Variants in ZPBP observed in about 807,000 individuals in gnomAD.
The protein encoded by ZPBP is zona pellucida-binding protein 1.
ZPBP carries 26 observed loss-of-function variants against 44.8 expected under a neutral mutation model. The observed-to-expected ratio is 0.58, with a 90% CI of 0.43 to 0.81. The LOEUF (loss-of-function observed/expected upper bound fraction) is 0.81, where lower values mean the gene tolerates loss of function less well. Ranked by LOEUF, ZPBP falls within the 30% of genes least tolerant of loss-of-function variation. ZPBP has a pLI of 0.00. For missense variants in ZPBP, 409 were observed against 434.0 expected, an observed-to-expected ratio of 0.94 and a Z score of 0.51; for synonymous variants, 174 against 153.2, an observed-to-expected ratio of 1.14 and a Z score of -1.00.
chr7:50,018,299 C>T lies in ZPBP; in HGVS notation c.724G>A (p.Glu242Lys). Reference protein sequence around the residue: ...FAFSVSSLDTEKGPKRCTDHN... With the variant: ...FAFSVSSLDTKKGPKRCTDHN... ...TCTGTACATCGCTTGGGTCCTTTTT[C>T]AGTGTCTAGAGATGAAACTGAGAAA... The change falls in exon 6 of 8, where the codon GAA (glutamate) becomes AAA (lysine). Residue 242 changes from glutamate to lysine, a missense_variant. By Grantham distance (56) the Glu-to-Lys change is moderately conservative. Around this residue, in one of 2 missense-constraint regions of ZPBP, gnomAD observed 367 missense variants for 363.1 expected, o/e 1.01. Coordinates refer to ENST00000046087, the MANE Select transcript of ZPBP (RefSeq NM_007009.3). 2 of 1,609,148 alleles carry T rather than the reference C, an allele frequency of 1.2e-6. No homozygotes were observed. Among genetic ancestry groups the T allele is most frequent in the Non-Finnish European group, 1.7e-6 (2 of 1,177,880 alleles).
At chr7:49,924,866 C>T (rs1433895009) in intron 1 of ZPBP, among the ~76,000 whole-genome samples, 1 of 152,230 alleles carries the variant, frequency 6.6e-6, no homozygotes, top group East Asian at 1.9e-4. Flanking sequence ...TGTTCCACGG[C>T]TTCCTTATTG....
At chr7:50,071,785 T>C (rs1370531957) in intron 3 of ZPBP, among the ~76,000 whole-genome samples, 1 of 152,014 alleles carries the variant, frequency 6.6e-6, no homozygotes, top group Non-Finnish European at 1.5e-5. Context: ...GGGAACCTGC[T>C]GCCTTAAAAA....
chr7:50,082,072 A>G (rs960957602), intron 2 of ZPBP, among the ~76,000 whole-genome samples, 173 bp from the exon 3 acceptor site: 3 of 151,882 alleles, frequency 2.0e-5, no homozygotes, highest in South Asian at 4.1e-4. Flanking sequence ...AACATTAAAA[A>G]TATATTATGT....
chr7:49,973,161 G>A (rs1458911184), intron 7 of ZPBP, among the ~76,000 whole-genome samples: 1 of 151,512 alleles, frequency 6.6e-6, no homozygotes, highest in Non-Finnish European at 1.5e-5. Context: ...ACTGAATTTG[G>A]CAACTACTCC....
downstream of ZPBP, among the ~76,000 whole-genome samples, chr7:49,848,114 G>A (rs183236659): frequency 7.5e-4 from 114 of 152,354 alleles, 1 homozygote; most frequent in Admixed American, 3.3e-3. Context: ...TGTAACAGGA[G>A]TCAGCTTTGT....
chr7:49,997,925 C>T (rs13235755), intron 6 of ZPBP, among the ~76,000 whole-genome samples: 1 of 107,404 alleles, frequency 9.3e-6, no homozygotes, highest in African/African-American at 4.1e-5. Flanking sequence ...TTTATTTATT[C>T]ATTTATTTTT....
intron 5 of ZPBP, among the ~76,000 whole-genome samples, chr7:50,018,784 G>A (rs1476580673): frequency 6.6e-6 from 1 of 151,914 alleles, no homozygotes; most frequent in Non-Finnish European, 1.5e-5. Flanking sequence ...GATTTTAGTA[G>A]GGGCCATGGT....
intron 2 of ZPBP, among the ~76,000 whole-genome samples, chr7:50,083,797 T>G (rs1186390352): frequency 2.0e-5 from 3 of 151,976 alleles, no homozygotes; most frequent in Non-Finnish European, 4.4e-5. Flanking sequence ...AATGTAAACT[T>G]AGATTTATAC....
At chr7:49,882,693 G>A (rs149716919) in intron 2 of ZPBP, among the ~76,000 whole-genome samples, 3 of 152,214 alleles carry the variant, frequency 2.0e-5, no homozygotes, top group East Asian at 1.9e-4. Flanking sequence ...GCACCTCTGG[G>A]TGTCAATTGA....
chr7:49,867,843 T>TA lies in ZPBP; in HGVS notation n.510-17330_510-17329insT, dbSNP rs770916985. Among the ~76,000 whole-genome samples, 1,136 of 141,394 alleles carry TA rather than the reference T, an allele frequency of 8.0e-3. 25 individuals are homozygous for TA. Among genetic ancestry groups the TA allele is most frequent in the African/African-American group, 0.026 (1,076 of 41,128 alleles). The allele number at this position is 141,394 out of a possible 152,430, so 92.8% of individuals were successfully genotyped here. A position where few individuals can be genotyped will look rare whatever the true frequency, so the allele number is the denominator to read the frequency against. ...CTATTTTTTATTTTATTATTTTATT[T>TA]TATTTTTTGAGGTGGAGTCTTGCCC... On this transcript the variant is annotated intron_variant and non_coding_transcript_variant, in intron 2 of 2. Transcript: ENST00000465922.
At chr7:49,953,292 T>G (rs191700382) in intron 7 of ZPBP, among the ~76,000 whole-genome samples, 1 of 152,130 alleles carries the variant, frequency 6.6e-6, no homozygotes, top group Non-Finnish European at 1.5e-5. Context: ...TCCAAAATAT[T>G]TTACACAACA....
intron 5 of ZPBP, among the ~76,000 whole-genome samples, chr7:50,019,436 G>T (rs898744078): frequency 6.6e-6 from 1 of 151,756 alleles, no homozygotes; most frequent in Non-Finnish European, 1.5e-5. Context: ...TAAAACACTT[G>T]GTAACTCTTC....
At chr7:49,964,259 T>G (rs987290237) in intron 7 of ZPBP, among the ~76,000 whole-genome samples, 1 of 151,974 alleles carries the variant, frequency 6.6e-6, no homozygotes, top group African/African-American at 2.4e-5. Context: ...ATTCTCACAA[T>G]TTATATTAAA....
Position 49,962,778 on chromosome 7 carries a change from G to A in ZPBP, c.961+20564C>T, listed in dbSNP as rs573592917. Among the ~76,000 whole-genome samples the A allele has an allele frequency of 5.9e-5, 9 of 151,716 alleles. No homozygotes were observed. The South Asian group carries it at 1.9e-3, about 32-fold the overall frequency. ...TAGAACTATCACTGAGTTTAGCAAGGCCACAAGATACAAAGTCAACATTTC... is the reference window on the plus strand; with the variant it reads ...TAGAACTATCACTGAGTTTAGCAAGACCACAAGATACAAAGTCAACATTTC... On this transcript the variant is annotated intron_variant, in intron 7 of 7. Coordinates refer to ENST00000046087, the MANE Select transcript of ZPBP (RefSeq NM_007009.3).
At chr7:50,010,919 A>C (rs1798541614) in intron 6 of ZPBP, among the ~76,000 whole-genome samples, 2 of 151,678 alleles carry the variant, frequency 1.3e-5, no homozygotes, top group Admixed American at 6.6e-5. Context: ...AAAAAAAAAA[A>C]AAAAAAAAAC....
At chr7:49,939,640 C>T (rs955200822) in intron 7 of ZPBP, among the ~76,000 whole-genome samples, 1 of 151,916 alleles carries the variant, frequency 6.6e-6, no homozygotes, top group Non-Finnish European at 1.5e-5. Flanking sequence ...AAGGAAAATG[C>T]ACTAACCATA....
At chr7:49,998,909 AACAC>A (rs149067847) in intron 6 of ZPBP, among the ~76,000 whole-genome samples, 3 of 151,736 alleles carry the variant, frequency 2.0e-5, no homozygotes, top group Non-Finnish European at 2.9e-5. Context: ...CACACACACA[AACAC>A]ACACACACAG....
chr7:49,924,602 A>G (rs1033225020), intron 1 of ZPBP, among the ~76,000 whole-genome samples: 2 of 152,166 alleles, frequency 1.3e-5, no homozygotes, highest in African/African-American at 4.8e-5. Context: ...GGCCAAGGTC[A>G]AAGGAGAAGT....
At chr7:49,923,049 A>G (rs78628539) in intron 1 of ZPBP, among the ~76,000 whole-genome samples, 4,677 of 152,322 alleles carry the variant, frequency 0.031, 95 homozygotes, top group Middle Eastern at 0.058. Context: ...AACTTAAGAG[A>G]AAAGAGTGAA....
Sources: gnomAD v4.1 joint callset for allele counts (sites outside exome capture counted in the v4.1 genomes callset) on GRCh38, gnomAD v4.1.1 for gene constraint, gnomAD v4.1.1 regional missense constraint, MANE v1.5 for transcripts, NCBI Gene and HGNC (gene_info 2026-07-23, HGNC 2026-07-21) for gene names.